Variants in TRIM37 observed in about 807,000 individuals in gnomAD.
The protein encoded by TRIM37 is E3 ubiquitin-protein ligase TRIM37.
In TRIM37, 80 loss-of-function variants were observed where a neutral mutation model predicts 129.8. The ratio of observed to expected loss-of-function variants is 0.62; its 90% CI spans 0.51 to 0.74. The LOEUF is 0.74. TRIM37 is among the 30% of genes least tolerant of loss of function. The pLI is 0.00. For missense variants in TRIM37, 1,054 were observed against 1,176.5 expected (o/e 0.90, Z 1.52); for synonymous variants, 389 against 387.1 (o/e 1.00, Z -0.06).
At position 59,049,317 on chromosome 17, in the gene TRIM37, T is replaced by C. The variant is rs2040126143; in HGVS notation, c.1391A>G (p.Asn464Ser). 1 of 1,614,056 alleles carries C rather than the reference T, an allele frequency of 6.2e-7. No individual in the cohort carries two copies. Among genetic ancestry groups the C allele is most frequent in the African/African-American group, 1.3e-5 (1 of 74,912 alleles). The change falls in exon 15 of 24, where the codon AAT becomes AGT. Residue 464 changes from asparagine to serine, a missense_variant. Physicochemically the swap from Asn to Ser is conservative, Grantham distance 46. This residue lies in a region of TRIM37 where 752 missense variants were observed against 870.8 expected (regional missense o/e 0.86). Coordinates refer to ENST00000262294, the MANE Select transcript of TRIM37 (RefSeq NM_015294.6). The part of the protein sequence containing the change: ...SPPDNHLSPQ[N>S]DDALETRAKK... Reference sequence around the variant, plus strand: ...AGCTCGTGTCTCCAGAGCATCATCATTTTGGGGGCTAAGATGGTTATCTGG... The same window carrying C: ...AGCTCGTGTCTCCAGAGCATCATCACTTTGGGGGCTAAGATGGTTATCTGG...
intron 17 of TRIM37, among the ~76,000 whole-genome samples, chr17:59,034,617 C>T (rs2038257388): frequency 6.6e-6 from 1 of 152,080 alleles, no homozygotes; most frequent in African/African-American, 2.4e-5. Flanking sequence ...GCCTCAGCCT[C>T]CGAAAGTGCT....
At chr17:59,027,702 C>T (rs2037396180) in intron 19 of TRIM37, among the ~76,000 whole-genome samples, 1 of 152,088 alleles carries the variant, frequency 6.6e-6, no homozygotes, top group Non-Finnish European at 1.5e-5. Flanking sequence ...TTATAAACAC[C>T]CCTTATTTTT....
At chr17:59,072,576 C>T (rs1291412659) in intron 8 of TRIM37, among the ~76,000 whole-genome samples, 2 of 151,858 alleles carry the variant, frequency 1.3e-5, no homozygotes, top group Non-Finnish European at 2.9e-5. Context: ...GGTGAAACCC[C>T]ATCTCTACTA....
chr17:59,032,431 A>C (rs2037964105), intron 17 of TRIM37, among the ~76,000 whole-genome samples: 2 of 148,778 alleles, frequency 1.3e-5, no homozygotes, highest in African/African-American at 4.9e-5. Flanking sequence ...AGGCTGAGGC[A>C]GGAGAATGGC....
intron 7 of TRIM37, among the ~76,000 whole-genome samples, chr17:59,079,506 C>A (rs2043085878): frequency 6.6e-6 from 1 of 152,104 alleles, no homozygotes; most frequent in Non-Finnish European, 1.5e-5. Context: ...CAATGATGCC[C>A]ACTGGCCATT....
At position 59,049,252 on chromosome 17, in the gene TRIM37, G is replaced by A. The variant is rs2040118362; in HGVS notation, c.1456C>T (p.Pro486Ser). 1.9e-6 allele frequency: 3 copies of A among 1,613,886 alleles called. No homozygotes were observed. The highest frequency in any genetic ancestry group is 2.5e-6 in the Non-Finnish European group (3 of 1,179,986). Residue 486 changes from proline (P) to serine (S), a missense_variant, in exon 15 of 24, where the codon CCT becomes TCT. Around this residue, in one of 3 missense-constraint regions of TRIM37, gnomAD observed 752 missense variants for 870.8 expected, o/e 0.86. Coordinates refer to ENST00000262294, the MANE Select transcript of TRIM37 (RefSeq NM_015294.6). ...GCCTCTCTTACAGAAGCTGTAGTAG[G>A]ACCACCTTCGAGAAGCATGTCAGAG... is the stretch of plus-strand genomic sequence containing the variant. ...ACSDMLLEGG[P>S]TTASVREAKE...
At chr17:59,020,413 T>C (rs983421817) in intron 19 of TRIM37, among the ~76,000 whole-genome samples, 4 of 150,382 alleles carry the variant, frequency 2.7e-5, no homozygotes, top group Non-Finnish European at 5.9e-5. Flanking sequence ...AAGTAAGCAA[T>C]AAAATAAGTG....
intron 24 of TRIM37, among the ~76,000 whole-genome samples, chr17:58,993,031 G>A (rs2032603847): frequency 6.6e-6 from 1 of 152,144 alleles, no homozygotes; most frequent in African/African-American, 2.4e-5. Context: ...TATCATGGGA[G>A]GGACCCAGTG....
intron 19 of TRIM37, among the ~76,000 whole-genome samples, chr17:59,025,132 T>C (rs996043259): frequency 3.3e-5 from 5 of 152,204 alleles, no homozygotes; most frequent in African/African-American, 1.2e-4. Context: ...ATCTGGTCTA[T>C]AATAAAGGAT....
intron 24 of TRIM37, among the ~76,000 whole-genome samples, chr17:58,987,447 G>C (rs1301367066): frequency 6.6e-6 from 1 of 152,206 alleles, no homozygotes; most frequent in Middle Eastern, 3.2e-3. Context: ...AGGGTCTGCA[G>C]AGCAGGAATG....
intron 24 of TRIM37, among the ~76,000 whole-genome samples, chr17:58,992,950 C>A (rs118133820): frequency 0.011 from 1,606 of 152,260 alleles, 10 homozygotes; most frequent in Middle Eastern, 0.034. Flanking sequence ...TATTGCACAC[C>A]CAGCAATCCT....
intron 4 of TRIM37, among the ~76,000 whole-genome samples, chr17:59,084,791 G>A (rs991466376): frequency 6.6e-6 from 1 of 152,096 alleles, no homozygotes; most frequent in Non-Finnish European, 1.5e-5. Flanking sequence ...GAGACACCAG[G>A]CATGCACGTG....
chr17:59,081,055 C>G lies in TRIM37; in HGVS notation c.492+42G>C, dbSNP rs774009530. On this transcript the variant is annotated intron_variant, in intron 6 of 23. Coordinates refer to ENST00000262294, the MANE Select transcript of TRIM37 (RefSeq NM_015294.6). ...TATATAAATATATTATTATATATTA[C>G]AGATTAAAAACAAAATAATTATATT... 4.6e-6 allele frequency: 6 copies of G among 1,301,674 alleles called. No homozygotes were observed. The South Asian group carries it at 7.5e-5, about 16-fold the overall frequency. 80.6% of individuals were successfully genotyped at this position (1,301,674 alleles called of 1,614,324 possible). A position where few individuals can be genotyped will look rare whatever the true frequency, so the allele number is the denominator to read the frequency against.
chr17:58,984,244 T>C (rs2031583318), intron 24 of TRIM37: 1 of 152,612 alleles, frequency 6.6e-6, no homozygotes, highest in Non-Finnish European at 1.5e-5. Context: ...ACCACATTTA[T>C]AGTGGTATAG....
intron 14 of TRIM37, among the ~76,000 whole-genome samples, chr17:59,050,486 A>T (rs929697598): frequency 2.0e-5 from 3 of 151,970 alleles, no homozygotes; most frequent in African/African-American, 7.3e-5. Flanking sequence ...TGAGCCCAGG[A>T]GTTCAAGACC....
chr17:59,023,809 G>A (rs189855781), intron 19 of TRIM37, among the ~76,000 whole-genome samples: 2 of 152,162 alleles, frequency 1.3e-5, no homozygotes, highest in East Asian at 3.9e-4. Context: ...TACCTGCCTA[G>A]ACAATGCAAT....
intron 12 of TRIM37, 42 bp downstream of exon 12, chr17:59,060,990 T>G (rs745872762): frequency 6.7e-7 from 1 of 1,482,888 alleles, no homozygotes; most frequent in Non-Finnish European, 9.4e-7. Flanking sequence ...GGGGAAGGTA[T>G]GTAAATGCAC....
chr17:59,020,993 G>A (rs1567995388), intron 19 of TRIM37, among the ~76,000 whole-genome samples: 1 of 152,084 alleles, frequency 6.6e-6, no homozygotes, highest in Non-Finnish European at 1.5e-5. Flanking sequence ...CCAAAAGAAA[G>A]CAAATTAGTA....
chr17:58,970,877 G>A, the TRIM37 span, among the ~76,000 whole-genome samples: 3 of 151,938 alleles, frequency 2.0e-5, no homozygotes, highest in East Asian at 1.9e-4. Flanking sequence ...GAGGTGACCC[G>A]TAATCATCAA....
Sources: allele counts gnomAD v4.1 joint callset (sites outside exome capture counted in the v4.1 genomes callset), GRCh38; gene constraint gnomAD v4.1.1; regional missense constraint gnomAD v4.1.1; transcripts MANE v1.5; gene names NCBI Gene and HGNC (gene_info 2026-07-23, HGNC 2026-07-21).